PTPN13: variants seen among roughly 807,000 people sequenced by gnomAD.
PTPN13 encodes tyrosine-protein phosphatase non-receptor type 13.
Under a neutral mutation model 284.0 loss-of-function variants are expected in PTPN13, and 191 were observed. The observed-to-expected ratio is 0.67, with a 90% CI of 0.60 to 0.76. The LOEUF (loss-of-function observed/expected upper bound fraction) is 0.76, where lower values mean the gene tolerates loss of function less well. Ranked by LOEUF, PTPN13 falls within the 30% of genes least tolerant of loss-of-function variation. The pLI is 0.00. For synonymous variants in PTPN13, 986 were observed against 1,022.3 expected (o/e 0.96, Z 0.68); for missense variants, 2,797 against 2,939.9 (o/e 0.95, Z 1.12).
intron 2 of PTPN13, among the ~76,000 whole-genome samples, chr4:86,644,809 A>G (rs1160272720): frequency 6.6e-6 from 1 of 152,214 alleles, no homozygotes. Flanking sequence ...AAATCAATCA[A>G]TATAATTGAC....
intron 1 of PTPN13, among the ~76,000 whole-genome samples, chr4:86,627,541 G>A (rs1463267515): frequency 2.0e-5 from 3 of 151,382 alleles, no homozygotes; most frequent in Non-Finnish European, 2.9e-5. Flanking sequence ...CTTTATTGAG[G>A]CATGTTTGAC....
intron 19 of PTPN13, among the ~76,000 whole-genome samples, chr4:86,751,427 TC>T (rs1456043194): frequency 1.3e-5 from 2 of 151,980 alleles, no homozygotes; most frequent in South Asian, 2.1e-4. Context: ...GCCCAAGTGA[TC>T]CCCCCACCTC....
chr4:86,668,221 A>G (rs1441670631), intron 2 of PTPN13, among the ~76,000 whole-genome samples: 1 of 152,206 alleles, frequency 6.6e-6, no homozygotes, highest in African/African-American at 2.4e-5. Flanking sequence ...CAATTAAAAC[A>G]CAGTACACGG....
Position 86,618,566 on chromosome 4 carries a change from C to A in PTPN13, c.-5-16686C>A, listed in dbSNP as rs1471250478. The stretch of plus-strand genomic sequence containing the variant: ...GATTCTTCCTACCCATGAGCATAGA[C>A]TGTTCTTCCATTTGTTTGTATCCTC... On this transcript the variant is annotated intron_variant, in intron 1 of 47. Transcript: ENST00000411767. 8.5e-5 allele frequency among the ~76,000 whole-genome samples: 13 copies of A among 152,272 alleles called. No individual in the cohort carries two copies. The East Asian group carries it at 1.9e-3, about 23-fold the overall frequency.
chr4:86,737,239 AATAAAATAAAATAAAAT>A (rs958275489), intron 15 of PTPN13, among the ~76,000 whole-genome samples: 7 of 151,598 alleles, frequency 4.6e-5, no homozygotes, highest in African/African-American at 1.4e-4. Context: ...CCCCATCTCA[AATAAAATAAAATAAAAT>A]ATAAAATAAA....
chr4:86,656,668 G>T (rs923678797), intron 2 of PTPN13, among the ~76,000 whole-genome samples: 2 of 152,188 alleles, frequency 1.3e-5, no homozygotes, highest in African/African-American at 4.8e-5. Context: ...GCTACTCGGG[G>T]GTCAGGGACC....
intron 6 of PTPN13, among the ~76,000 whole-genome samples, chr4:86,699,806 T>C (rs1038613553): frequency 1.3e-5 from 2 of 152,252 alleles, no homozygotes; most frequent in Non-Finnish European, 2.9e-5. Flanking sequence ...CTCTGTTCTC[T>C]ATTCAATAAA....
intron 5 of PTPN13, 57 bp from the exon 6 acceptor site, chr4:86,693,530 A>G: frequency 5.9e-6 from 7 of 1,193,286 alleles, no homozygotes; most frequent in Non-Finnish European, 8.1e-6. Flanking sequence ...AACAGTTACC[A>G]TGAAAACAAA....
Position 86,701,261 on chromosome 4 carries a change from G to A in PTPN13, c.655G>A (p.Val219Ile). ...TCCAGGAAGAAGCTCTACTTCTGAT[G>A]TACTAGACATACAAAAGCCTCCACT... ...LPTGRSSTSD[V>I]LDIQKPPLSH... The change falls in exon 7 of 48, where the codon GTA becomes ATA. Residue 219 changes from valine (V) to isoleucine (I), a missense_variant. Physicochemically the swap from Val to Ile is conservative, Grantham distance 29. Transcript: ENST00000411767. The A allele has an allele frequency of 6.3e-7, 1 of 1,588,562 alleles. No homozygotes were observed. The highest frequency in any genetic ancestry group is 8.6e-7 in the Non-Finnish European group (1 of 1,169,232).
At chr4:86,669,388 T>C (rs995040100) in intron 2 of PTPN13, among the ~76,000 whole-genome samples, 1 of 150,844 alleles carries the variant, frequency 6.6e-6, no homozygotes, top group Non-Finnish European at 1.5e-5. Flanking sequence ...AGTTGAAATA[T>C]ATAGTTTCAT....
chr4:86,701,581 C>G lies in PTPN13; in HGVS notation c.975C>G (p.His325Gln). ...AGACTGCCACATATCGTCGTTGTCA[C>G]CCTGAGGCAGTAACAGTGCGGACTT... is the stretch of plus-strand genomic sequence containing the variant. ...SGETATYRRC[H>Q]PEAVTVRTST... The change falls in exon 7 of 48, where the codon CAC becomes CAG. Residue 325 changes from histidine to glutamine, a missense_variant. Physicochemically the swap from His to Gln is conservative, Grantham distance 24. Transcript: ENST00000411767. The G allele has an allele frequency of 6.2e-7, 1 of 1,613,800 alleles. No homozygotes were observed. Among genetic ancestry groups the G allele is most frequent in the Non-Finnish European group, 8.5e-7 (1 of 1,179,778 alleles).
At chr4:86,595,695 C>T (rs1763625243) in intron 1 of PTPN13, 2 of 976,934 alleles carry the variant, frequency 2.0e-6, no homozygotes, top group African/African-American at 3.5e-5. Context: ...TGGAGCTGAG[C>T]TCCCTCGCAG....
Position 86,717,230 on chromosome 4 carries a change from C to G in PTPN13, c.1385+113C>G. ...TTGAGACGGAGTCTTGCTCTGTTGC[C>G]TAAGCTGGAGTGCAGTGGCGCAATC... On this transcript the variant is annotated intron_variant, in intron 9 of 47. Transcript: ENST00000411767. 5 of 710,356 alleles carry G rather than the reference C, an allele frequency of 7.0e-6. No individual in the cohort carries two copies. In the East Asian group the frequency reaches 1.1e-4, roughly 16 times the overall value. 44.0% of individuals were successfully genotyped at this position (710,356 alleles called of 1,614,324 possible).
intron 2 of PTPN13, among the ~76,000 whole-genome samples, chr4:86,638,963 T>G (rs1320897365): frequency 6.6e-6 from 1 of 151,894 alleles, no homozygotes; most frequent in Non-Finnish European, 1.5e-5. Flanking sequence ...GAATCTACAA[T>G]GAACTCAAAC....
In PTPN13 at chr4:86,689,124, C is replaced by A. The variant is rs771670717; in HGVS notation, c.480C>A (p.Ser160Arg). Residue 160 changes from serine (S) to arginine (R), a missense_variant, in exon 5 of 48, where the codon AGC (serine) becomes AGA (arginine). Coordinates refer to ENST00000411767, the MANE Select transcript of PTPN13 (RefSeq NM_080683.3). The stretch of plus-strand genomic sequence containing the variant: ...CTTGCAGTGCCCACATTAGGAATAG[C>A]AATTGTGCACCCTCATTTTCCTACG... Reference protein sequence around the residue: ...LDACSAHIRNSNCAPSFSYVK... With the variant: ...LDACSAHIRNRNCAPSFSYVK... 6.2e-7 allele frequency: 1 copy of A among 1,613,484 alleles called. No individual in the cohort carries two copies.
intron 17 of PTPN13, among the ~76,000 whole-genome samples, 152 bp from the exon 18 acceptor site, chr4:86,750,318 T>G (rs760049122): frequency 4.6e-5 from 7 of 152,142 alleles, no homozygotes; most frequent in African/African-American, 2.4e-5. Flanking sequence ...ACCCTCCTTT[T>G]TAAAACCCTG....
chr4:86,632,466 G>T (rs1218947405), intron 1 of PTPN13, among the ~76,000 whole-genome samples: 2 of 151,764 alleles, frequency 1.3e-5, no homozygotes, highest in South Asian at 4.2e-4. Flanking sequence ...CTTTTTCTTC[G>T]GTGTGCTTTT....
chr4:86,734,869 A>C lies in PTPN13; in HGVS notation c.2145A>C (p.Gln715His). 1 of 1,610,744 alleles carries C rather than the reference A, an allele frequency of 6.2e-7. No homozygotes were observed. The highest frequency in any genetic ancestry group is 8.5e-7 in the Non-Finnish European group (1 of 1,177,546). The change falls in exon 14 of 48, where the codon CAA (glutamine) becomes CAC (histidine). Residue 715 changes from glutamine to histidine, a missense_variant. By Grantham distance (24) the Gln-to-His change is conservative. Coordinates refer to ENST00000411767, the MANE Select transcript of PTPN13 (RefSeq NM_080683.3). ...TCCAGGCTGAGTATGGAGATTATCAACCAGAGGTAGGATTTGTGTTTTTTT... is the reference window on the plus strand; with the variant it reads ...TCCAGGCTGAGTATGGAGATTATCACCCAGAGGTAGGATTTGTGTTTTTTT... ...LALQAEYGDY[Q>H]PEVHGVSYFR...
rs371281093 is a variant in PTPN13, at chr4:86,776,252, T to G, written c.5891+600T>G. 1.2e-4 allele frequency among the ~76,000 whole-genome samples: 19 copies of G among 152,248 alleles called. No homozygotes were observed. The East Asian group carries it at 1.4e-3, about 11-fold the overall frequency. On this transcript the variant is annotated intron_variant, in intron 35 of 47. Transcript: ENST00000411767. ...TGAGCCACCCTACCTGGCCCGAAAT[T>G]TATTGGTTTATATTGGACTTTAGAA...
Sources: allele counts gnomAD v4.1 joint callset (sites outside exome capture counted in the v4.1 genomes callset), GRCh38; gene constraint gnomAD v4.1.1; transcripts MANE v1.5; gene names NCBI Gene and HGNC (gene_info 2026-07-23, HGNC 2026-07-21).